The following KCNMA1 variants were observed in gnomAD, a reference collection of about 807,000 sequenced individuals.
The protein encoded by KCNMA1 is Calcium-activated potassium channel subunit alpha-1.
A neutral mutation model predicts 140.0 loss-of-function variants in KCNMA1; 29 were observed. The ratio of observed to expected loss-of-function variants is 0.21; its 90% CI spans 0.15 to 0.28. The LOEUF is 0.28. KCNMA1 is among the 10% of genes least tolerant of loss of function. The probability of loss-of-function intolerance (pLI) is 1.00; values close to 1 mark genes in which losing one functional copy is unlikely to be tolerated. For synonymous variants in KCNMA1, 612 were observed against 611.9 expected, an observed-to-expected ratio of 1.00 and a Z score of 0.00; for missense variants, 880 against 1,602.2, an observed-to-expected ratio of 0.55 and a Z score of 7.70.
At chr10:77,527,158 A>G (rs2056074271) in intron 1 of KCNMA1, among the ~76,000 whole-genome samples, 1 of 152,224 alleles carries the variant, frequency 6.6e-6, no homozygotes, top group Non-Finnish European at 1.5e-5. Context: ...TGCCTCATGC[A>G]GTATTAATAT....
intron 2 of KCNMA1, among the ~76,000 whole-genome samples, chr10:77,304,864 T>A (rs552440280): frequency 2.0e-5 from 3 of 152,224 alleles, no homozygotes; most frequent in Non-Finnish European, 4.4e-5. Context: ...CCAAAGGCCA[T>A]TGCGGTCCAA....
At chr10:77,076,573 C>T (rs1595419506) in intron 13 of KCNMA1, among the ~76,000 whole-genome samples, 1 of 152,186 alleles carries the variant, frequency 6.6e-6, no homozygotes, top group Admixed American at 6.5e-5. Context: ...TCTCCCCGCT[C>T]GCTGGCTGCA....
At chr10:77,194,847 AT>A (rs780106587) in intron 3 of KCNMA1, among the ~76,000 whole-genome samples, 5 of 152,022 alleles carry the variant, frequency 3.3e-5, no homozygotes, top group Non-Finnish European at 7.4e-5. Flanking sequence ...GGAAAAAAAA[AT>A]AATTATGTTT....
intron 1 of KCNMA1, among the ~76,000 whole-genome samples, chr10:77,618,535 C>G (rs948056066): frequency 7.9e-5 from 12 of 152,146 alleles, no homozygotes; most frequent in Non-Finnish European, 1.6e-4. Context: ...GACTACTCGT[C>G]TAGAAGAAAC....
chr10:77,018,128 C>T (rs756672067), intron 17 of KCNMA1, among the ~76,000 whole-genome samples: 1 of 152,108 alleles, frequency 6.6e-6, no homozygotes, highest in African/African-American at 2.4e-5. Context: ...GAAGACTTAC[C>T]TTCCAGGGTT....
intron 1 of KCNMA1, among the ~76,000 whole-genome samples, chr10:77,520,793 A>AT (rs1345041017): frequency 6.6e-6 from 1 of 152,078 alleles, no homozygotes; most frequent in African/African-American, 2.4e-5. Flanking sequence ...CACTGTCTCC[A>AT]TTTTAAAGAG....
intron 1 of KCNMA1, among the ~76,000 whole-genome samples, chr10:77,448,835 T>C (rs2097576451): frequency 1.3e-5 from 2 of 152,160 alleles, no homozygotes; most frequent in South Asian, 4.1e-4. Context: ...ATGCCTGTAA[T>C]CCCAGCACTT....
intron 23 of KCNMA1, 134 bp from the exon 24 acceptor site, chr10:76,915,183 C>T (rs1206437046): frequency 1.6e-5 from 11 of 669,472 alleles, no homozygotes; most frequent in South Asian, 8.9e-5. Context: ...TTAGTATTCC[C>T]GGGATAAACT....
At chr10:77,121,113 C>T in intron 5 of KCNMA1, 65 bp from the exon 6 acceptor site, 3 of 1,070,278 alleles carry the variant, frequency 2.8e-6, no homozygotes, top group Non-Finnish European at 1.4e-6. Context: ...TCACAGTCTG[C>T]CATTTGATTT....
At chr10:77,076,646 G>T (rs2096406945) in intron 13 of KCNMA1, among the ~76,000 whole-genome samples, 1 of 152,190 alleles carries the variant, frequency 6.6e-6, no homozygotes, top group Non-Finnish European at 1.5e-5. Flanking sequence ...TAGATGCCCT[G>T]CTCTGAAGTT....
intron 1 of KCNMA1, among the ~76,000 whole-genome samples, chr10:77,584,420 T>A (rs1021479740): frequency 1.3e-5 from 2 of 152,218 alleles, no homozygotes; most frequent in African/African-American, 4.8e-5. Flanking sequence ...ACTGGCGCAA[T>A]CTCGGCTCAC....
At chr10:77,580,803 A>G (rs67163749) in intron 1 of KCNMA1, among the ~76,000 whole-genome samples, 24,239 of 152,194 alleles carry the variant, frequency 0.16, 2,240 homozygotes, top group Middle Eastern at 0.25. Context: ...TTTGCCAATG[A>G]CCCAAAAAGA....
intron 2 of KCNMA1, among the ~76,000 whole-genome samples, chr10:77,298,150 T>C (rs1248321454): frequency 6.6e-6 from 1 of 152,140 alleles, no homozygotes; most frequent in African/African-American, 2.4e-5. Context: ...CAGAGAGAGC[T>C]TGTCAACAAA....
chr10:77,109,687 G>A (rs747342827), intron 8 of KCNMA1, among the ~76,000 whole-genome samples: 16 of 152,160 alleles, frequency 1.1e-4, no homozygotes, highest in Non-Finnish European at 1.6e-4. Context: ...TCTCTCCTTT[G>A]ATGTAGGGAC....
intron 2 of KCNMA1, among the ~76,000 whole-genome samples, chr10:77,376,944 A>ATACATAC (rs1555258626): frequency 3.1e-4 from 9 of 28,748 alleles, no homozygotes; most frequent in African/African-American, 1.4e-3. Flanking sequence ...TCTCAAAATA[A>ATACATAC]ATAAATACAT....
intron 14 of KCNMA1, among the ~76,000 whole-genome samples, chr10:77,069,296 T>A (rs970757296): frequency 4.3e-4 from 66 of 152,298 alleles, no homozygotes; most frequent in African/African-American, 1.6e-3. Flanking sequence ...CACCAGGATG[T>A]TCGTGCGAAC....
At chr10:76,937,701 AG>A (rs2060910832) in intron 23 of KCNMA1, among the ~76,000 whole-genome samples, 1 of 152,244 alleles carries the variant, frequency 6.6e-6, no homozygotes, top group East Asian at 1.9e-4. Context: ...ACTTTAGGAT[AG>A]GGAAGGTGTA....
chr10:77,351,711 G>A (rs2092910566), intron 2 of KCNMA1, among the ~76,000 whole-genome samples: 3 of 152,138 alleles, frequency 2.0e-5, no homozygotes, highest in Admixed American at 2.0e-4. Context: ...ACTAGGTCTG[G>A]AGGGTCCCCA....
At chr10:76,968,307 A>G (rs902669001) in intron 20 of KCNMA1, among the ~76,000 whole-genome samples, 2 of 152,176 alleles carry the variant, frequency 1.3e-5, no homozygotes, top group Admixed American at 6.5e-5. Context: ...CCCAAGAGCC[A>G]ACAGAATAAA....
Sources: gnomAD v4.1 joint callset for allele counts (sites outside exome capture counted in the v4.1 genomes callset) on GRCh38, gnomAD v4.1.1 for gene constraint, MANE v1.5 for transcripts, NCBI Gene and HGNC (gene_info 2026-07-23, HGNC 2026-07-21) for gene names.